The following TMEM229B variants were observed in gnomAD, a reference collection of about 807,000 sequenced individuals.
TMEM229B encodes the protein transmembrane protein 229B, also known as chromosome 14 open reading frame 83.
In TMEM229B, 6 loss-of-function variants were observed where a neutral mutation model predicts 13.7. The ratio of observed to expected loss-of-function variants is 0.44; its 90% confidence interval spans 0.24 to 0.86. TMEM229B has a LOEUF of 0.86. Ranked by LOEUF, TMEM229B falls within the 40% of genes least tolerant of loss-of-function variation. The probability of loss-of-function intolerance (pLI) is 0.23; values close to 1 mark genes in which losing one functional copy is unlikely to be tolerated. For missense variants in TMEM229B, 170 were observed against 236.0 expected, an observed-to-expected ratio of 0.72 and a Z score of 1.83; for synonymous variants, 107 against 102.1, an observed-to-expected ratio of 1.05 and a Z score of -0.29.
chr14:67,478,920 A>G lies in TMEM229B; in HGVS notation c.-18-4979T>C, dbSNP rs191211271. 5.3e-5 allele frequency among the ~76,000 whole-genome samples: 8 copies of G among 152,362 alleles called. No homozygotes were observed. In the East Asian group the frequency reaches 1.3e-3, roughly 26 times the overall value. On this transcript the variant is annotated intron_variant, in intron 2 of 2. Transcript: ENST00000554480. ...TAAGATAGTGGTAAGAGAAAAAAGC[A>G]GGATTCAAAACTGAATATTCAACCT...
chr14:67,493,784 A>T (rs1205857539), intron 1 of TMEM229B, among the ~76,000 whole-genome samples: 2 of 152,202 alleles, frequency 1.3e-5, no homozygotes, highest in African/African-American at 4.8e-5. Context: ...CAAAAGAGGC[A>T]TCCTTTTCTT....
At chr14:67,531,534 G>A (rs373693947) in intron 1 of TMEM229B, among the ~76,000 whole-genome samples, 1 of 151,892 alleles carries the variant, frequency 6.6e-6, no homozygotes, top group African/African-American at 2.4e-5. Flanking sequence ...GCCCTCTACA[G>A]AAGTAACCAG....
intron 1 of TMEM229B, among the ~76,000 whole-genome samples, chr14:67,506,358 C>G (rs558145780): frequency 6.6e-6 from 1 of 152,280 alleles, no homozygotes; most frequent in Non-Finnish European, 1.5e-5. Context: ...ACTAATCCCA[C>G]TGGATAAACA....
chr14:67,473,458 C>G lies in TMEM229B; in HGVS notation c.466G>C (p.Ala156Pro). 1 of 1,614,138 alleles carries G rather than the reference C, an allele frequency of 6.2e-7. No individual in the cohort carries two copies. The highest frequency in any genetic ancestry group is 8.5e-7 in the Non-Finnish European group (1 of 1,180,038). Reference sequence around the variant, plus strand: ...ACATGGCCGTTGGCCAGGGCTAGGGCGCCGCTGGGCTCCCCGGGCTCAGCG... The same window carrying G: ...ACATGGCCGTTGGCCAGGGCTAGGGGGCCGCTGGGCTCCCCGGGCTCAGCG... ...KDAEPGEPSG[A>P]LALANGHVKT... is the part of the protein sequence containing the mutation. The change falls in exon 3 of 3, where the codon GCC becomes CCC. Residue 156 changes from alanine to proline, a missense_variant. By Grantham distance (27) the Ala-to-Pro change is conservative. This residue lies in a region of TMEM229B where 70 missense variants were observed against 60.9 expected (regional missense o/e 1.15). Transcript: ENST00000554480. The surrounding 1 kb of genome is among the most constrained non-coding windows in gnomAD (Gnocchi z 6.5).
chr14:67,512,360 A>G (rs2033056311), intron 1 of TMEM229B, among the ~76,000 whole-genome samples: 1 of 152,216 alleles, frequency 6.6e-6, no homozygotes, highest in African/African-American at 2.4e-5. Context: ...TAGAGGCTGA[A>G]ATTCCTCAGC....
At chr14:67,531,555 G>C (rs2033450250) in intron 1 of TMEM229B, among the ~76,000 whole-genome samples, 1 of 151,790 alleles carries the variant, frequency 6.6e-6, no homozygotes, top group South Asian at 2.1e-4. Flanking sequence ...CTATAGGGGA[G>C]AGCATGCTCC....
chr14:67,530,326 T>C (rs907245541), intron 1 of TMEM229B, among the ~76,000 whole-genome samples: 6 of 152,188 alleles, frequency 3.9e-5, no homozygotes, highest in African/African-American at 2.4e-5. Context: ...TCAGAAACCT[T>C]AAGCAACTGC....
intron 2 of TMEM229B, among the ~76,000 whole-genome samples, chr14:67,479,927 A>AC (rs1161420299): frequency 7.9e-5 from 12 of 151,992 alleles, no homozygotes; most frequent in Admixed American, 5.2e-4. Flanking sequence ...AAGTTCAGGG[A>AC]CCCCAGATGA....
intron 2 of TMEM229B, among the ~76,000 whole-genome samples, chr14:67,476,890 C>T (rs147713930): frequency 4.5e-4 from 68 of 152,198 alleles, no homozygotes; most frequent in African/African-American, 5.3e-4. Flanking sequence ...CTTTGGGAGG[C>T]GGAGATGGGC....
intron 2 of TMEM229B, among the ~76,000 whole-genome samples, chr14:67,479,693 A>G (rs2031466027): frequency 6.6e-6 from 1 of 152,136 alleles, no homozygotes; most frequent in Non-Finnish European, 1.5e-5. Context: ...ACTCTAGCCT[A>G]GGTGACAGAG....
At chr14:67,496,402 T>TTTTTG (rs2032377870) in intron 1 of TMEM229B, among the ~76,000 whole-genome samples, 2 of 125,532 alleles carry the variant, frequency 1.6e-5, no homozygotes, top group Admixed American at 8.3e-5. Context: ...TTTTTTTTTT[T>TTTTTG]TTTTTTTTTT....
rs969664010 is a variant in TMEM229B at position 67,473,687 on chromosome 14, G to A, written c.237C>T (p.Ile79=). The change falls in exon 3 of 3, where the codon ATC becomes ATT. Residue 79 remains isoleucine (I), a synonymous_variant. Coordinates refer to ENST00000554480, the MANE Select transcript of TMEM229B (RefSeq NM_001348543.2). The surrounding 1 kb of genome is among the most constrained non-coding windows in gnomAD (Gnocchi z 6.5). ...GRCPLLLRCL[I]YTLWTYLWEF... ...CCCACAGGTAGGTCCAGAGCGTGTA[G>A]ATGAGGCAGCGCAGGAGCAGCGGGC... is the stretch of plus-strand genomic sequence containing the variant. 5.7e-6 allele frequency: 9 copies of A among 1,587,572 alleles called. No individual in the cohort carries two copies. The highest frequency in any genetic ancestry group is 3.3e-4 in the Middle Eastern group (2 of 6,024).
At position 67,504,599 on chromosome 14, in the gene TMEM229B, A is replaced by C. The variant is rs530084230; in HGVS notation, c.-192+10487T>G. Reference sequence around the variant, plus strand: ...GTTAAATCAAAAAAATAAATAAAAAACAATAGGCCATGTGCGGTGGCTCAC... The same window carrying C: ...GTTAAATCAAAAAAATAAATAAAAACCAATAGGCCATGTGCGGTGGCTCAC... On this transcript the variant is annotated intron_variant, in intron 1 of 2. Coordinates refer to the TMEM229B transcript ENST00000357461. Among the ~76,000 whole-genome samples the C allele has an allele frequency of 3.3e-5, 5 of 152,328 alleles. No homozygotes were observed. The South Asian group carries it at 8.3e-4, about 25-fold the overall frequency.
upstream of TMEM229B, among the ~76,000 whole-genome samples, chr14:67,490,421 G>C (rs1049602224): frequency 1.3e-5 from 2 of 152,176 alleles, no homozygotes; most frequent in Non-Finnish European, 2.9e-5. Flanking sequence ...AGGCATCAGG[G>C]GAGATACTGC....
intron 1 of TMEM229B, among the ~76,000 whole-genome samples, chr14:67,505,903 G>A (rs2032808874): frequency 6.6e-6 from 1 of 152,076 alleles, no homozygotes; most frequent in Admixed American, 6.5e-5. Context: ...TTTCCACCAT[G>A]TTGGCCAGGC....
intron 1 of TMEM229B, among the ~76,000 whole-genome samples, chr14:67,497,197 C>T (rs1198494461): frequency 6.6e-6 from 1 of 152,058 alleles, no homozygotes; most frequent in Non-Finnish European, 1.5e-5. Context: ...TGCGGGCACA[C>T]ACGAATGCCC....
chr14:67,508,434 C>T (rs141269712), intron 1 of TMEM229B, among the ~76,000 whole-genome samples: 2 of 152,076 alleles, frequency 1.3e-5, no homozygotes, highest in Admixed American at 6.5e-5. Flanking sequence ...TTGCATCACA[C>T]GCCCAGAGTC....
chr14:67,520,639 T>C (rs1566707168), intron 1 of TMEM229B, among the ~76,000 whole-genome samples: 1 of 152,214 alleles, frequency 6.6e-6, no homozygotes, highest in Non-Finnish European at 1.5e-5. Flanking sequence ...AAAGCTGCTA[T>C]AAACTCCATG....
At chr14:67,515,025 C>T (rs903125421) in intron 1 of TMEM229B, 2 of 152,540 alleles carry the variant, frequency 1.3e-5, no homozygotes, top group Admixed American at 1.3e-4. Flanking sequence ...AGCTGCCGGC[C>T]CCTCGCGGCC....
Sources: allele counts gnomAD v4.1 joint callset (sites outside exome capture counted in the v4.1 genomes callset), GRCh38; gene constraint gnomAD v4.1.1; regional missense constraint gnomAD v4.1.1; non-coding constraint Gnocchi (gnomAD v3.1); transcripts MANE v1.5; gene names NCBI Gene and HGNC (gene_info 2026-07-23, HGNC 2026-07-21).